Variants in TACC2 observed in about 807,000 individuals in gnomAD.
The protein encoded by TACC2 is transforming acidic coiled-coil containing protein 2.
In TACC2, 137 loss-of-function variants were observed where a neutral mutation model predicts 227.3. The observed-to-expected ratio is 0.60, with a 90% CI of 0.52 to 0.69. TACC2 has a LOEUF of 0.69. Among genes scored for constraint, TACC2 ranks in the 30% least tolerant of loss-of-function variants. The pLI, the probability that TACC2 is intolerant of heterozygous loss-of-function variation, is 0.00. For synonymous variants in TACC2, 1,523 were observed against 1,487.5 expected (o/e 1.02, Z -0.55); for missense variants, 3,470 against 3,694.4 (o/e 0.94, Z 1.57).
intron 5 of TACC2, among the ~76,000 whole-genome samples, chr10:122,132,090 T>G (rs2088381703): frequency 7.7e-6 from 1 of 129,140 alleles, no homozygotes; most frequent in African/African-American, 3.4e-5. Context: ...AAGAGAAAGA[T>G]CTACAAAGGT....
Position 122,087,292 on chromosome 10 carries a change from A to G in TACC2, c.4792A>G (p.Lys1598Glu). ...AVAQDRIPSG[K>E]QHQETSACDS... ...GGCCCAAGACAGAATTCCTTCTGGA[A>G]AGCAGCACCAGGAAACATCTGCCTG... is the stretch of plus-strand genomic sequence containing the variant. Residue 1598 changes from lysine to glutamate, a missense_variant, in exon 4 of 23, where the codon AAG becomes GAG. Lys to Glu is a moderately conservative substitution (Grantham distance 56). Transcript: ENST00000369005. 1 of 1,613,932 alleles carries G rather than the reference A, an allele frequency of 6.2e-7. No homozygotes were observed. The highest frequency in any genetic ancestry group is 8.5e-7 in the Non-Finnish European group (1 of 1,180,032).
chr10:122,178,639 T>C (rs896503008), intron 7 of TACC2, among the ~76,000 whole-genome samples: 1 of 152,182 alleles, frequency 6.6e-6, no homozygotes. Flanking sequence ...ATCCCAGCAC[T>C]TTGAGAGGCC....
intron 22 of TACC2, among the ~76,000 whole-genome samples, chr10:122,250,288 G>T (rs1323698812): frequency 6.6e-6 from 1 of 152,234 alleles, no homozygotes; most frequent in Non-Finnish European, 1.5e-5. Context: ...GTGAGGGCCA[G>T]CCTCCCTCCT....
chr10:122,132,431 C>T (rs1011314294), intron 5 of TACC2, among the ~76,000 whole-genome samples, 178 bp from the exon 6 acceptor site: 7 of 152,188 alleles, frequency 4.6e-5, no homozygotes, highest in African/African-American at 1.4e-4. Flanking sequence ...CGCCTGTAAT[C>T]GCAGCTACTC....
intron 19 of TACC2, among the ~76,000 whole-genome samples, chr10:122,243,517 G>T (rs1229980950): frequency 6.6e-5 from 10 of 152,146 alleles, no homozygotes; most frequent in Admixed American, 6.5e-4. Flanking sequence ...ACCCAGAAAA[G>T]AAGCCCTTTC....
At chr10:122,126,502 A>C (rs2086908425) in intron 5 of TACC2, among the ~76,000 whole-genome samples, 1 of 152,008 alleles carries the variant, frequency 6.6e-6, no homozygotes, top group Admixed American at 6.6e-5. Flanking sequence ...GATTTGTCTG[A>C]TTCCTCTGAT....
rs1460951688 is a variant in TACC2, at chr10:122,082,845, G to C, written c.345G>C (p.Glu115Asp). The C allele has an allele frequency of 1.9e-6, 3 of 1,613,494 alleles. No homozygotes were observed. The South Asian group carries it at 3.3e-5, about 18-fold the overall frequency. ...CCTCGTCCTCCATGCCCTTTGCCGA[G>C]TGTCCCCCGGAAGGTTGCTTGGCAA... The part of the protein sequence containing the change: ...EHPSSSMPFA[E>D]CPPEGCLASP... The change falls in exon 4 of 23, where the codon GAG (glutamate) becomes GAC (aspartate). Residue 115 changes from glutamate (E) to aspartate (D), a missense_variant. Around this residue, in one of 10 missense-constraint regions of TACC2, gnomAD observed 405 missense variants for 389.6 expected, o/e 1.04. Transcript: ENST00000369005.
intron 5 of TACC2, among the ~76,000 whole-genome samples, chr10:122,108,880 C>T (rs1008033978): frequency 7.2e-5 from 11 of 152,172 alleles, no homozygotes; most frequent in Middle Eastern, 3.4e-3. Context: ...ATTATAGGCA[C>T]GCGCCACCAC....
intron 22 of TACC2, among the ~76,000 whole-genome samples, chr10:122,253,628 C>G (rs1389807467): frequency 6.6e-6 from 1 of 152,232 alleles, no homozygotes; most frequent in Non-Finnish European, 1.5e-5. Flanking sequence ...CTCCTCACCT[C>G]AGATCACATC....
chr10:122,037,585 C>A (rs143503984), intron 2 of TACC2, among the ~76,000 whole-genome samples: 1 of 152,342 alleles, frequency 6.6e-6, no homozygotes, highest in Non-Finnish European at 1.5e-5. Flanking sequence ...AACCACATTT[C>A]CTTGTAAAAC....
intron 14 of TACC2, 135 bp from the exon 15 acceptor site, chr10:122,229,211 G>A: frequency 1.1e-6 from 1 of 944,016 alleles, no homozygotes; most frequent in Non-Finnish European, 1.6e-6. Flanking sequence ...ACAAGTAATG[G>A]CAGCTAATTG....
chr10:122,078,195 CAAAAAAAAAAAAAAAA>C (rs1175837364), intron 3 of TACC2, among the ~76,000 whole-genome samples: 7 of 37,678 alleles, frequency 1.9e-4, no homozygotes, highest in African/African-American at 6.5e-4. Flanking sequence ...ACTCCATCTC[CAAAAAAAAAAAAAAAA>C]AAAAAAAAAA....
intron 11 of TACC2, among the ~76,000 whole-genome samples, chr10:122,217,437 C>CTTTTTTTTTT (rs35233150): frequency 8.4e-4 from 78 of 93,184 alleles, no homozygotes; most frequent in East Asian, 2.2e-3. Context: ...TTTCTTTTTT[C>CTTTTTTTTTT]TTTTTTTTTT....
intron 2 of TACC2, 78 bp downstream of exon 2, chr10:122,022,092 C>T (rs1028228363): frequency 1.4e-6 from 2 of 1,447,386 alleles, no homozygotes; most frequent in East Asian, 2.3e-5. Flanking sequence ...TACAGCGTCT[C>T]ATCTTCACCC....
rs1386823938 is a variant in TACC2 at position 122,194,362 on chromosome 10, G to A, written c.5835-678G>A. 6.6e-6 allele frequency among the ~76,000 whole-genome samples: 1 copy of A among 152,176 alleles called. No individual in the cohort carries two copies. The highest frequency in any genetic ancestry group is 2.4e-5 in the African/African-American group (1 of 41,446). Reference sequence around the variant, plus strand: ...TGAGAACAGACTTTCCTGCAGACCAGCGAGGGCCATTTTCACTGTGTCGGG... The same window carrying A: ...TGAGAACAGACTTTCCTGCAGACCAACGAGGGCCATTTTCACTGTGTCGGG... On this transcript the variant is annotated intron_variant, in intron 7 of 22. Transcript: ENST00000369005. This position sits in a 1 kb window ranked among gnomAD's most constrained non-coding sequence, Gnocchi z 4.4.
chr10:122,061,398 G>A (rs1259843160), intron 3 of TACC2, among the ~76,000 whole-genome samples: 2 of 152,000 alleles, frequency 1.3e-5, no homozygotes, highest in African/African-American at 2.4e-5. Context: ...AAAGCACTAA[G>A]GTCAGGTGTG....
At chr10:122,095,851 C>T (rs1275251694) in intron 5 of TACC2, among the ~76,000 whole-genome samples, 1 of 152,212 alleles carries the variant, frequency 6.6e-6, no homozygotes, top group Non-Finnish European at 1.5e-5. Context: ...AGGCTGGTGC[C>T]ACTAAGGAAC....
intron 2 of TACC2, among the ~76,000 whole-genome samples, chr10:122,032,134 C>T (rs11200355): frequency 0.46 from 69,613 of 152,030 alleles, 16,094 homozygotes; most frequent in Middle Eastern, 0.51. Flanking sequence ...ATGCACCCGC[C>T]TCAACAGGGC....
chr10:122,039,582 G>A (rs2073997245), intron 2 of TACC2, among the ~76,000 whole-genome samples: 1 of 152,186 alleles, frequency 6.6e-6, no homozygotes, highest in East Asian at 1.9e-4. Flanking sequence ...CCTTCAGGCA[G>A]ATGAGGGAGG....
Sources: allele counts gnomAD v4.1 joint callset (sites outside exome capture counted in the v4.1 genomes callset), GRCh38; gene constraint gnomAD v4.1.1; regional missense constraint gnomAD v4.1.1; non-coding constraint Gnocchi (gnomAD v3.1); transcripts MANE v1.5; gene names NCBI Gene and HGNC (gene_info 2026-07-23, HGNC 2026-07-21).